The following RBFOX1 variants were observed in gnomAD, a reference collection of about 807,000 sequenced individuals.
RBFOX1 encodes the protein RNA binding protein fox-1 homolog 1.
In RBFOX1, 8 loss-of-function variants were observed where a neutral mutation model predicts 57.7. The observed-to-expected ratio is 0.14, with a 90% CI of 0.08 to 0.25. RBFOX1 has a LOEUF of 0.25. Ranked by LOEUF, RBFOX1 falls within the 10% of genes least tolerant of loss-of-function variation. The pLI, the probability that RBFOX1 is intolerant of heterozygous loss-of-function variation, is 1.00. For missense variants in RBFOX1, 611 were observed against 548.5 expected, an observed-to-expected ratio of 1.11 and a Z score of -1.14; for synonymous variants, 326 against 222.4, an observed-to-expected ratio of 1.47 and a Z score of -4.15.
chr16:5,928,024 G>A (rs986619512), intron 4 of RBFOX1, among the ~76,000 whole-genome samples: 1 of 152,046 alleles, frequency 6.6e-6, no homozygotes, highest in Non-Finnish European at 1.5e-5. Flanking sequence ...TCTGTGGCAG[G>A]GCATGGTGAC....
intron 4 of RBFOX1, among the ~76,000 whole-genome samples, chr16:5,995,895 A>C (rs890669460): frequency 2.6e-5 from 4 of 152,216 alleles, no homozygotes; most frequent in Non-Finnish European, 5.9e-5. Context: ...TATTTCTCAC[A>C]GTTCTGAGGG....
At chr16:6,313,220 G>A (rs111653793) in intron 1 of RBFOX1, among the ~76,000 whole-genome samples, 1 of 152,154 alleles carries the variant, frequency 6.6e-6, no homozygotes, top group South Asian at 2.1e-4. Context: ...AAATAAGGCT[G>A]GAGCTGTGTC....
intron 3 of RBFOX1, among the ~76,000 whole-genome samples, chr16:5,780,565 G>GA (rs893705056): frequency 1.3e-4 from 19 of 150,968 alleles, no homozygotes; most frequent in Admixed American, 3.3e-4. Flanking sequence ...TCCTCCAAAT[G>GA]AAAAAAAAAT....
intron 1 of RBFOX1, among the ~76,000 whole-genome samples, chr16:5,425,394 G>A (rs1412768863): frequency 1.3e-5 from 2 of 152,070 alleles, no homozygotes; most frequent in Admixed American, 1.3e-4. Context: ...ATGAGCCACC[G>A]CGCCCGGCCA....
chr16:7,294,648 A>C (rs2095856241), intron 4 of RBFOX1, among the ~76,000 whole-genome samples: 1 of 152,142 alleles, frequency 6.6e-6, no homozygotes, highest in African/African-American at 2.4e-5. Context: ...AAAATTTCAT[A>C]TGATAAAATT....
intron 4 of RBFOX1, among the ~76,000 whole-genome samples, chr16:7,307,166 C>T (rs1467725641): frequency 6.6e-6 from 1 of 152,192 alleles, no homozygotes; most frequent in African/African-American, 2.4e-5. Context: ...GAGCATTTAT[C>T]ATTTTGTTTT....
chr16:5,985,471 A>G (rs1223948534), intron 4 of RBFOX1, among the ~76,000 whole-genome samples: 3 of 152,142 alleles, frequency 2.0e-5, no homozygotes, highest in South Asian at 2.1e-4. Context: ...AGAGGAGTTA[A>G]GTGATGGGCC....
At chr16:6,938,927 A>G (rs1006694536) in intron 3 of RBFOX1, among the ~76,000 whole-genome samples, 3 of 152,138 alleles carry the variant, frequency 2.0e-5, no homozygotes, top group Non-Finnish European at 2.9e-5. Flanking sequence ...GTGAGAGTCC[A>G]TCTCAAAAAA....
chr16:7,238,540 G>A lies in RBFOX1; in HGVS notation c.27+186442G>A, dbSNP rs955667876. 5.4e-5 allele frequency among the ~76,000 whole-genome samples: 8 copies of A among 149,270 alleles called. No homozygotes were observed. In the South Asian group the frequency reaches 6.3e-4, roughly 12 times the overall value. On this transcript the variant is annotated intron_variant, in intron 4 of 15. Transcript: ENST00000550418. The stretch of plus-strand genomic sequence containing the variant: ...ATCTTTCCAACCTTGGGCTACACAC[G>A]CACCTTTAGGAAAGCCTACTTCTGT...
At chr16:5,389,885 A>G (rs1308610025) in intron 1 of RBFOX1, among the ~76,000 whole-genome samples, 4 of 151,918 alleles carry the variant, frequency 2.6e-5, no homozygotes. Flanking sequence ...TTTGGTAGAG[A>G]TGGAGCTTCA....
intron 4 of RBFOX1, among the ~76,000 whole-genome samples, chr16:7,491,610 C>T (rs969467381): frequency 6.6e-6 from 1 of 151,876 alleles, no homozygotes; most frequent in African/African-American, 2.4e-5. Flanking sequence ...GTAATAGGAA[C>T]ATGCCTCATT....
chr16:6,801,709 A>G (rs1416662630), intron 3 of RBFOX1, among the ~76,000 whole-genome samples: 1 of 152,138 alleles, frequency 6.6e-6, no homozygotes, highest in Non-Finnish European at 1.5e-5. Flanking sequence ...TGAGGTGCAG[A>G]TGAACTGGGG....
At chr16:6,687,703 G>A (rs2059635533) in intron 3 of RBFOX1, among the ~76,000 whole-genome samples, 1 of 152,106 alleles carries the variant, frequency 6.6e-6, no homozygotes, top group South Asian at 2.1e-4. Context: ...GTTTTTCAAA[G>A]TTGCAGCGGC....
chr16:5,955,844 G>C (rs1344145109), intron 4 of RBFOX1, among the ~76,000 whole-genome samples: 3 of 152,224 alleles, frequency 2.0e-5, no homozygotes, highest in Non-Finnish European at 4.4e-5. Context: ...TGTTAATGTA[G>C]TTACCAGCGG....
In RBFOX1 at chr16:7,190,434, T is replaced by C. The variant is rs187964328; in HGVS notation, c.27+138336T>C. ...TTTTTGTTGTCAGCCTTTACAAGCA[T>C]TGATGCTTCCAACTCTTCCACAAAT... On this transcript the variant is annotated intron_variant, in intron 4 of 15. Coordinates refer to ENST00000550418, the MANE Select transcript of RBFOX1 (RefSeq NM_018723.4). Among the ~76,000 whole-genome samples the C allele has an allele frequency of 7.9e-5, 12 of 152,308 alleles. No individual in the cohort carries two copies. The East Asian group carries it at 2.1e-3, about 27-fold the overall frequency.
At chr16:5,482,361 G>C (rs958450604) in intron 2 of RBFOX1, among the ~76,000 whole-genome samples, 4 of 152,128 alleles carry the variant, frequency 2.6e-5, no homozygotes, top group Non-Finnish European at 5.9e-5. Flanking sequence ...AGCCCAAGGG[G>C]AAGATGGAAA....
At chr16:5,591,090 T>C (rs2046991057) in intron 2 of RBFOX1, among the ~76,000 whole-genome samples, 1 of 152,046 alleles carries the variant, frequency 6.6e-6, no homozygotes, top group Non-Finnish European at 1.5e-5. Context: ...TTGTCATGTG[T>C]TTTTCCCTTA....
At chr16:5,777,560 T>C (rs1175801140) in intron 3 of RBFOX1, among the ~76,000 whole-genome samples, 2 of 152,212 alleles carry the variant, frequency 1.3e-5, no homozygotes, top group Non-Finnish European at 2.9e-5. Flanking sequence ...CTCAGCATTG[T>C]CACTTACTCC....
At chr16:5,632,456 T>G (rs993977210) in intron 3 of RBFOX1, 1 of 152,236 alleles carries the variant, frequency 6.6e-6, no homozygotes, top group Non-Finnish European at 1.5e-5. Flanking sequence ...GTGCATAGCA[T>G]AGTGACAGCT....
Sources: allele counts gnomAD v4.1 joint callset (sites outside exome capture counted in the v4.1 genomes callset), GRCh38; gene constraint gnomAD v4.1.1; transcripts MANE v1.5; gene names NCBI Gene and HGNC (gene_info 2026-07-23, HGNC 2026-07-21).